RBFOX1: variants seen among roughly 807,000 people sequenced by gnomAD.
The protein encoded by RBFOX1 is RNA binding protein fox-1 homolog 1.
A neutral mutation model predicts 57.7 loss-of-function variants in RBFOX1; 8 were observed. The ratio of observed to expected loss-of-function variants is 0.14; its 90% CI spans 0.08 to 0.25. RBFOX1 has a LOEUF of 0.25. Among genes scored for constraint, RBFOX1 ranks in the 10% least tolerant of loss-of-function variants. RBFOX1 has a pLI of 1.00. For synonymous variants in RBFOX1, 326 were observed against 222.4 expected, an observed-to-expected ratio of 1.47 and a Z score of -4.15; for missense variants, 611 against 548.5, an observed-to-expected ratio of 1.11 and a Z score of -1.14.
At chr16:6,188,860 CA>C (rs1373840341) in intron 1 of RBFOX1, among the ~76,000 whole-genome samples, 5 of 151,678 alleles carry the variant, frequency 3.3e-5, no homozygotes, top group Non-Finnish European at 7.4e-5. Context: ...TTTGCATTGC[CA>C]AAAGTAGTAG....
chr16:5,524,970 T>G (rs2151020438), intron 2 of RBFOX1, among the ~76,000 whole-genome samples: 1 of 152,336 alleles, frequency 6.6e-6, no homozygotes, highest in Non-Finnish European at 1.5e-5. Context: ...AATAAGCACC[T>G]TATCTACTTT....
intron 1 of RBFOX1, among the ~76,000 whole-genome samples, chr16:5,376,333 T>G (rs2065982668): frequency 6.6e-6 from 1 of 152,064 alleles, no homozygotes; most frequent in Non-Finnish European, 1.5e-5. Flanking sequence ...TTGCTGTTAT[T>G]CCTGCAGGTG....
At chr16:6,637,234 T>TTATATATTA (rs1311362776) in intron 2 of RBFOX1, among the ~76,000 whole-genome samples, 1 of 62,558 alleles carries the variant, frequency 1.6e-5, no homozygotes, top group African/African-American at 7.3e-5. Context: ...ACAATATATA[T>TTATATATTA]TATATATTAT....
At chr16:5,828,849 T>C (rs551161275) in intron 3 of RBFOX1, among the ~76,000 whole-genome samples, 1 of 152,300 alleles carries the variant, frequency 6.6e-6, no homozygotes, top group African/African-American at 2.4e-5. Flanking sequence ...TAGTAATTTA[T>C]TGTTGTGTAA....
At chr16:5,366,311 A>AGAT (rs372475537) in intron 1 of RBFOX1, 2 of 360,084 alleles carry the variant, frequency 5.6e-6, no homozygotes, top group Non-Finnish European at 1.1e-5. Flanking sequence ...ATGATGATGA[A>AGAT]GATGATGATG....
At chr16:7,246,789 A>C (rs976684707) in intron 4 of RBFOX1, among the ~76,000 whole-genome samples, 1 of 152,010 alleles carries the variant, frequency 6.6e-6, no homozygotes, top group African/African-American at 2.4e-5. Flanking sequence ...GGCTTATTAA[A>C]TATCAGGTTC....
intron 4 of RBFOX1, among the ~76,000 whole-genome samples, chr16:5,968,689 A>G (rs2059900986): frequency 1.3e-5 from 2 of 151,928 alleles, no homozygotes; most frequent in Admixed American, 6.6e-5. Flanking sequence ...TGAGAACACT[A>G]TTTGCAGGTA....
chr16:5,327,577 C>T (rs1391955981), intron 1 of RBFOX1, among the ~76,000 whole-genome samples: 1 of 152,134 alleles, frequency 6.6e-6, no homozygotes, highest in African/African-American at 2.4e-5. Flanking sequence ...AGAAACGCCC[C>T]AATCTGCACA....
chr16:6,684,328 C>T (rs943579473), intron 3 of RBFOX1, among the ~76,000 whole-genome samples: 1 of 152,194 alleles, frequency 6.6e-6, no homozygotes, highest in African/African-American at 2.4e-5. Flanking sequence ...AAAAGGAAGA[C>T]AGGTATGCTT....
At chr16:6,277,458 CA>C (rs59733415) in intron 1 of RBFOX1, among the ~76,000 whole-genome samples, 54,198 of 80,802 alleles carry the variant, frequency 0.67, 16,364 homozygotes, top group East Asian at 0.84. Context: ...GTCTGTCTCC[CA>C]AAAAAAAAAA....
chr16:6,366,824 G>T (rs1234058562), intron 2 of RBFOX1, among the ~76,000 whole-genome samples: 3 of 152,170 alleles, frequency 2.0e-5, no homozygotes, highest in African/African-American at 4.8e-5. Context: ...TTGGTGTCAG[G>T]AATCTCTGCT....
intron 4 of RBFOX1, among the ~76,000 whole-genome samples, chr16:7,472,542 A>G (rs1447536872): frequency 2.0e-5 from 3 of 152,238 alleles, no homozygotes; most frequent in Non-Finnish European, 4.4e-5. Flanking sequence ...ATATTTATGC[A>G]GTACACAGTG....
chr16:7,464,688 C>CTT (rs57553411), intron 4 of RBFOX1, among the ~76,000 whole-genome samples: 11 of 62,270 alleles, frequency 1.8e-4, no homozygotes, highest in African/African-American at 3.5e-4. Flanking sequence ...TATTGTCTGT[C>CTT]TTTTTTTTTT....
intron 3 of RBFOX1, among the ~76,000 whole-genome samples, chr16:6,862,686 C>A (rs1423560486): frequency 6.6e-6 from 1 of 152,062 alleles, no homozygotes; most frequent in African/African-American, 2.4e-5. Flanking sequence ...GAATTGGAAT[C>A]ATCACAGATG....
chr16:7,417,196 C>T (rs1286491669), intron 4 of RBFOX1, among the ~76,000 whole-genome samples: 1 of 151,654 alleles, frequency 6.6e-6, no homozygotes, highest in African/African-American at 2.4e-5. Flanking sequence ...ATGGTGAAAC[C>T]CCATCTCTAC....
chr16:7,467,920 G>A (rs1211994762), intron 4 of RBFOX1, among the ~76,000 whole-genome samples: 3 of 152,222 alleles, frequency 2.0e-5, no homozygotes, highest in Non-Finnish European at 4.4e-5. Context: ...GACTTGGTAT[G>A]TCCATCATTT....
intron 1 of RBFOX1, among the ~76,000 whole-genome samples, chr16:6,113,596 A>G (rs1271495834): frequency 6.6e-6 from 1 of 152,268 alleles, no homozygotes; most frequent in East Asian, 1.9e-4. Context: ...GCATTTGTTG[A>G]TATTGAAGCC....
At chr16:6,482,778 C>T (rs2095392670) in intron 2 of RBFOX1, among the ~76,000 whole-genome samples, 1 of 151,964 alleles carries the variant, frequency 6.6e-6, no homozygotes, top group African/African-American at 2.4e-5. Context: ...CTGGGGTCTT[C>T]GATGTTTTAC....
intron 1 of RBFOX1, among the ~76,000 whole-genome samples, chr16:5,435,490 C>T (rs1193294478): frequency 6.6e-6 from 1 of 152,176 alleles, no homozygotes; most frequent in African/African-American, 2.4e-5. Context: ...CCACTACGAT[C>T]CCTGGATCTC....
Sources: gnomAD v4.1 joint callset for allele counts (sites outside exome capture counted in the v4.1 genomes callset) on GRCh38, gnomAD v4.1.1 for gene constraint, MANE v1.5 for transcripts, NCBI Gene and HGNC (gene_info 2026-07-23, HGNC 2026-07-21) for gene names.